Variants in BRD4 observed in about 807,000 individuals in gnomAD.
BRD4 encodes bromodomain containing 4.
A neutral mutation model predicts 142.1 loss-of-function variants in BRD4; 16 were observed. The observed-to-expected ratio is 0.11, with a 90% CI of 0.08 to 0.17. The LOEUF (loss-of-function observed/expected upper bound fraction) is 0.17, where lower values mean the gene tolerates loss of function less well. Among genes scored for constraint, BRD4 ranks in the 10% least tolerant of loss-of-function variants. The probability of loss-of-function intolerance (pLI) is 1.00; values close to 1 mark genes in which losing one functional copy is unlikely to be tolerated. For synonymous variants in BRD4, 833 were observed against 707.5 expected, an observed-to-expected ratio of 1.18 and a Z score of -2.82; for missense variants, 1,424 against 1,810.9, an observed-to-expected ratio of 0.79 and a Z score of 3.88.
At chr19:15,331,980 C>T (rs1460129838) in intron 1 of BRD4, 1 of 136,852 alleles carries the variant, frequency 7.3e-6, no homozygotes, top group Admixed American at 7.1e-5. Context: ...CGCCGCGGCG[C>T]CCGCGCCCCC....
intron 1 of BRD4, among the ~76,000 whole-genome samples, chr19:15,277,222 C>G (rs1383486441): frequency 6.6e-6 from 1 of 152,196 alleles, no homozygotes; most frequent in Non-Finnish European, 1.5e-5. Flanking sequence ...AAGGCGGCTA[C>G]ATAATCGAAC....
At chr19:15,328,277 G>GT (rs1375893837) in intron 1 of BRD4, among the ~76,000 whole-genome samples, 1 of 151,974 alleles carries the variant, frequency 6.6e-6, no homozygotes, top group African/African-American at 2.4e-5. Flanking sequence ...TGTGTTCAAT[G>GT]TTTAAAAAAA....
At chr19:15,256,608 C>T (rs188931427) in intron 8 of BRD4, among the ~76,000 whole-genome samples, 9 of 152,236 alleles carry the variant, frequency 5.9e-5, no homozygotes, top group African/African-American at 1.4e-4. Flanking sequence ...ACGTCAGGCA[C>T]GAAGGGCCTG....
At chr19:15,276,309 G>A (rs910148185) in intron 1 of BRD4, among the ~76,000 whole-genome samples, 1 of 152,164 alleles carries the variant, frequency 6.6e-6, no homozygotes, top group African/African-American at 2.4e-5. Flanking sequence ...CTTTTCTAAG[G>A]CCCAGATTTG....
intron 1 of BRD4, among the ~76,000 whole-genome samples, chr19:15,327,378 A>C (rs1599535454): frequency 1.3e-5 from 2 of 152,156 alleles, no homozygotes; most frequent in South Asian, 2.1e-4. Flanking sequence ...ATCTCTACTA[A>C]ATAGTAAACA....
intron 1 of BRD4, among the ~76,000 whole-genome samples, chr19:15,323,248 G>A (rs2048079870): frequency 6.9e-6 from 1 of 145,790 alleles, no homozygotes; most frequent in Non-Finnish European, 1.5e-5. Flanking sequence ...AAATTTCTCT[G>A]GAATCAAAAC....
At chr19:15,264,796 A>C in intron 5 of BRD4, 30 bp from the exon 6 acceptor site, 1 of 1,572,534 alleles carries the variant, frequency 6.4e-7, no homozygotes, top group Non-Finnish European at 8.6e-7. Flanking sequence ...CAACAGGCAC[A>C]GTCAGAAGTG....
intron 4 of BRD4, 110 bp downstream of exon 4, chr19:15,267,306 A>G: frequency 7.4e-7 from 1 of 1,345,150 alleles, no homozygotes; most frequent in Non-Finnish European, 1.0e-6. Context: ...CCAACACGGC[A>G]TGCAGTATAT....
chr19:15,289,832 C>T (rs1214989731), intron 1 of BRD4, among the ~76,000 whole-genome samples: 3 of 152,170 alleles, frequency 2.0e-5, no homozygotes, highest in Non-Finnish European at 4.4e-5. Flanking sequence ...GTTCTGCCCA[C>T]GGGGCACCAC....
At chr19:15,298,613 T>C (rs1599500789) in intron 1 of BRD4, among the ~76,000 whole-genome samples, 7 of 69,870 alleles carry the variant, frequency 1.0e-4, no homozygotes, top group East Asian at 5.2e-4. Context: ...AGGGCGAGAC[T>C]CCAACTCAAA....
At position 15,264,401 on chromosome 19, in the gene BRD4, A is replaced by C. The variant is rs772106124; in HGVS notation, c.1212+3T>G. ...TCCCTTCCCTCAGGCACATCCCGCT[A>C]ACCTTGATTGTGCTCATGTCCATGG... On this transcript the variant is annotated splice_donor_region_variant and intron_variant, in intron 6 of 19. Transcript: ENST00000679869. 1.5e-5 allele frequency: 24 copies of C among 1,593,616 alleles called. No individual in the cohort carries two copies. In the South Asian group the frequency reaches 2.7e-4, roughly 18 times the overall value.
intron 2 of BRD4, 37 bp from the exon 3 acceptor site, chr19:15,269,079 G>C (rs1287962083): frequency 1.2e-6 from 2 of 1,610,686 alleles, no homozygotes; most frequent in Middle Eastern, 1.7e-4. Context: ...TGTCACCTAG[G>C]CAGCCAGGCA....
At chr19:15,285,767 A>G (rs971436372) in intron 1 of BRD4, among the ~76,000 whole-genome samples, 1 of 152,134 alleles carries the variant, frequency 6.6e-6, no homozygotes, top group Non-Finnish European at 1.5e-5. Context: ...TCCCTGAAAT[A>G]CCATCAACAT....
intron 7 of BRD4, among the ~76,000 whole-genome samples, chr19:15,261,604 A>C (rs1034859596): frequency 6.6e-6 from 1 of 152,262 alleles, no homozygotes; most frequent in Non-Finnish European, 1.5e-5. Context: ...AGACAACACC[A>C]AAGTGAAGAG....
intron 1 of BRD4, among the ~76,000 whole-genome samples, chr19:15,305,023 CTTTTTT>C: frequency 7.9e-6 from 1 of 126,414 alleles, no homozygotes; most frequent in East Asian, 2.2e-4. Flanking sequence ...TTAAGACCAT[CTTTTTT>C]TTTTTTTTTT....
intron 10 of BRD4, 85 bp downstream of exon 10, chr19:15,255,212 A>T: frequency 7.7e-7 from 1 of 1,306,192 alleles, no homozygotes; most frequent in East Asian, 2.4e-5. Flanking sequence ...GGGGGGGCGC[A>T]GAAAGAGTGG....
chr19:15,237,158 AAAAAAC>A lies in BRD4; in HGVS notation c.*1213_*1218del, dbSNP rs961105056. The stretch of plus-strand genomic sequence containing the variant: ...ATCCCTTGGCCCTTCCTTTCTCAGT[AAAAAAC>A]AAAAACAAAAACAAAAACCAAAACC... On this transcript the variant is annotated 3_prime_UTR_variant, in exon 20 of 20. Transcript: ENST00000679869. 17 of 206,858 alleles carry A rather than the reference AAAAAAC, an allele frequency of 8.2e-5. No homozygotes were observed. Among genetic ancestry groups the A allele is most frequent in the South Asian group, 5.8e-4 (3 of 5,160 alleles). 12.8% of individuals were successfully genotyped at this position (206,858 alleles called of 1,614,324 possible).
chr19:15,261,009 G>A (rs969991197), intron 7 of BRD4, among the ~76,000 whole-genome samples: 1 of 152,190 alleles, frequency 6.6e-6, no homozygotes, highest in East Asian at 1.9e-4. Context: ...AAGAGAATTT[G>A]TTTCTGCTGA....
intron 1 of BRD4, among the ~76,000 whole-genome samples, chr19:15,330,465 G>A (rs1189626860): frequency 1.3e-5 from 2 of 152,110 alleles, no homozygotes; most frequent in South Asian, 2.1e-4. Context: ...CGAAATAAAT[G>A]CTTTATGAAA....
Sources: gnomAD v4.1 joint callset for allele counts (sites outside exome capture counted in the v4.1 genomes callset) on GRCh38, gnomAD v4.1.1 for gene constraint, MANE v1.5 for transcripts, NCBI Gene and HGNC (gene_info 2026-07-23, HGNC 2026-07-21) for gene names.